RAPGEFL1: variants seen among roughly 807,000 people sequenced by gnomAD.
RAPGEFL1 encodes the protein rap guanine nucleotide exchange factor-like 1.
A neutral mutation model predicts 64.4 loss-of-function variants in RAPGEFL1; 31 were observed. The observed-to-expected ratio is 0.48, with a 90% confidence interval of 0.36 to 0.65. RAPGEFL1 has a LOEUF of 0.65. RAPGEFL1 is among the 30% of genes least tolerant of loss of function. The pLI is 0.00. For synonymous variants in RAPGEFL1, 331 were observed against 274.1 expected, an observed-to-expected ratio of 1.21 and a Z score of -2.05; for missense variants, 682 against 677.4, an observed-to-expected ratio of 1.01 and a Z score of -0.08.
At chr17:40,189,098 C>T in intron 5 of RAPGEFL1, 110 bp from the exon 6 acceptor site, 1 of 1,470,354 alleles carries the variant, frequency 6.8e-7, no homozygotes, top group East Asian at 2.3e-5. Flanking sequence ...TTTCACAGGA[C>T]CTTCTTCAGA....
In RAPGEFL1 at chr17:40,191,614, A is replaced by G; in HGVS notation, c.1547A>G (p.Tyr516Cys). 6.2e-7 allele frequency: 1 copy of G among 1,613,140 alleles called. No homozygotes were observed. Among genetic ancestry groups the G allele is most frequent in the Non-Finnish European group, 8.5e-7 (1 of 1,179,762 alleles). The change falls in exon 10 of 15, where the codon TAC becomes TGC. Residue 516 changes from tyrosine (Y) to cysteine (C), a missense_variant. Coordinates refer to ENST00000620260, the MANE Select transcript of RAPGEFL1 (RefSeq NM_016339.6). This position sits in a 1 kb window ranked among gnomAD's most constrained non-coding sequence, Gnocchi z 5.1. ...CAGAACCAGGACCTGCTGTCTTTCTACGCCGTGGTCATGGGGCTGGACAAC... is the reference window on the plus strand; with the variant it reads ...CAGAACCAGGACCTGCTGTCTTTCTGCGCCGTGGTCATGGGGCTGGACAAC... ...CKQNQDLLSF[Y>C]AVVMGLDNAA...
chr17:40,177,445 A>T, upstream of RAPGEFL1: 1 of 650,952 alleles, frequency 1.5e-6, no homozygotes, highest in South Asian at 1.7e-5. Context: ...GGACTGGAGG[A>T]GGGGGCGCGG....
chr17:40,181,817 C>T, intron 2 of RAPGEFL1, 123 bp downstream of exon 2: 1 of 623,266 alleles, frequency 1.6e-6, no homozygotes, highest in Non-Finnish European at 3.0e-6. Context: ...TGCAGTGGCT[C>T]ACACCTGTAA....
chr17:40,187,684 C>T (rs1318687813), intron 4 of RAPGEFL1, among the ~76,000 whole-genome samples: 1 of 151,078 alleles, frequency 6.6e-6, no homozygotes, highest in Admixed American at 6.6e-5. Flanking sequence ...GATCTCGGCT[C>T]ACTGCAAGCT....
At chr17:40,185,681 G>A (rs1451166891) in intron 4 of RAPGEFL1, among the ~76,000 whole-genome samples, 1 of 151,744 alleles carries the variant, frequency 6.6e-6, no homozygotes, top group Non-Finnish European at 1.5e-5. Context: ...CTACTTGGGA[G>A]GGTGAGGCAG....
At chr17:40,183,448 T>C in intron 2 of RAPGEFL1, among the ~76,000 whole-genome samples, 1 of 133,298 alleles carries the variant, frequency 7.5e-6, no homozygotes, top group East Asian at 1.9e-4. Flanking sequence ...GAAACTCCTT[T>C]CTCTCTGGCC....
chr17:40,184,771 G>A (rs1346249924), intron 4 of RAPGEFL1, 93 bp downstream of exon 4: 8 of 720,624 alleles, frequency 1.1e-5, no homozygotes, highest in Admixed American at 6.4e-5. Flanking sequence ...GCTGCAATAT[G>A]GATTTGCTTG....
At chr17:40,188,814 G>C in intron 4 of RAPGEFL1, 52 bp from the exon 5 acceptor site, 1 of 1,436,922 alleles carries the variant, frequency 7.0e-7, no homozygotes, top group African/African-American at 1.4e-5. Context: ...CTTGGTGTTG[G>C]TTGTCCATAT....
intron 4 of RAPGEFL1, among the ~76,000 whole-genome samples, chr17:40,188,249 C>T (rs1048954943): frequency 1.3e-5 from 2 of 152,058 alleles, no homozygotes; most frequent in Admixed American, 6.6e-5. Context: ...CCTCCAAGGC[C>T]CAGGTCAAAT....
In RAPGEFL1 at chr17:40,193,403, G is replaced by T; in HGVS notation, c.1850G>T (p.Arg617Leu). The T allele has an allele frequency of 6.2e-7, 1 of 1,614,174 alleles. No homozygotes were observed. Among genetic ancestry groups the T allele is most frequent in the Non-Finnish European group, 8.5e-7 (1 of 1,180,026 alleles). The change falls in exon 14 of 15, where the codon CGG becomes CTG. Residue 617 changes from arginine (R) to leucine (L), a missense_variant. This residue lies in a region of RAPGEFL1 where 411 missense variants were observed against 519.4 expected (regional missense o/e 0.79). Transcript: ENST00000620260. The part of the protein sequence containing the change: ...AEKVRTIRKY[R>L]SRPLCLDMEA... ...AAAGTGAGGACAATCCGCAAATACC[G>T]GAGCCGGCCCCTTTGTGAGTACCCA...
At position 40,191,262 on chromosome 17, in the gene RAPGEFL1, C is replaced by T; in HGVS notation, c.1336-54C>T. 1.3e-6 allele frequency: 2 copies of T among 1,482,124 alleles called. No individual in the cohort carries two copies. Among genetic ancestry groups the T allele is most frequent in the Non-Finnish European group, 1.8e-6 (2 of 1,119,930 alleles). 91.8% of individuals were successfully genotyped at this position (1,482,124 alleles called of 1,614,324 possible). A position where few individuals can be genotyped will look rare whatever the true frequency, so the allele number is the denominator to read the frequency against. On this transcript the variant is annotated intron_variant, in intron 8 of 14. Coordinates refer to ENST00000620260, the MANE Select transcript of RAPGEFL1 (RefSeq NM_016339.6). The surrounding 1 kb of genome is among the most constrained non-coding windows in gnomAD (Gnocchi z 5.1). ...TCGCCTTGCACTGCCATCTTCCCAC[C>T]CACTCCCCTCACCCCCTGGCGCCCT... is the stretch of plus-strand genomic sequence containing the variant.
intron 14 of RAPGEFL1, 79 bp from the exon 15 acceptor site, chr17:40,193,585 C>T: frequency 6.2e-7 from 1 of 1,607,226 alleles, no homozygotes; most frequent in South Asian, 1.1e-5. Flanking sequence ...CAGTCCACAG[C>T]CTGATCTTCT....
At position 40,177,856 on chromosome 17, in the gene RAPGEFL1, G is replaced by A. The variant is rs927305124; in HGVS notation, c.-6G>A. 17 of 427,978 alleles carry A rather than the reference G, an allele frequency of 4.0e-5. No homozygotes were observed. The highest frequency in any genetic ancestry group is 1.2e-4 in the South Asian group (2 of 17,318). 26.5% of individuals were successfully genotyped at this position (427,978 alleles called of 1,614,324 possible). A position where few individuals can be genotyped will look rare whatever the true frequency, so the allele number is the denominator to read the frequency against. ...GGCGACCCCTAGGAGAGGGGCGGGG[G>A]GGGGCATGAAGCCGCTGGAGAAATT... On this transcript the variant is annotated 5_prime_UTR_variant, in exon 1 of 15. Transcript: ENST00000620260.
chr17:40,178,214 G>T lies in RAPGEFL1; in HGVS notation c.353G>T (p.Gly118Val). The T allele has an allele frequency of 1.7e-6, 1 of 578,938 alleles. No homozygotes were observed. The highest frequency in any genetic ancestry group is 3.0e-5 in the Admixed American group (1 of 32,992). 35.9% of individuals were successfully genotyped at this position (578,938 alleles called of 1,614,324 possible). Reference sequence around the variant, plus strand: ...GGGCCCGGGCCTCTCGGGGGAGGGGGGCCCCTGCGCTCCCCTTCCTCCTAC... The same window carrying T: ...GGGCCCGGGCCTCTCGGGGGAGGGGTGCCCCTGCGCTCCCCTTCCTCCTAC... ...VPGPGPLGGG[G>V]PLRSPSSYSS... The change falls in exon 1 of 15, where the codon GGG (glycine) becomes GTG (valine). Residue 118 changes from glycine (G) to valine (V), a missense_variant. Transcript: ENST00000620260.
chr17:40,188,540 A>G, intron 4 of RAPGEFL1: 3 of 337,718 alleles, frequency 8.9e-6, no homozygotes, highest in South Asian at 8.1e-5. Context: ...CCCAGTCCTC[A>G]AGAGCTCTCA....
At chr17:40,192,353 C>A in intron 11 of RAPGEFL1, 90 bp downstream of exon 11, 1 of 1,445,380 alleles carries the variant, frequency 6.9e-7, no homozygotes, top group South Asian at 1.1e-5. Context: ...GCTTTCCTTT[C>A]AAGGTGTTTA....
Position 40,191,730 on chromosome 17 carries a change from T to G in RAPGEFL1, c.1605+58T>G, listed in dbSNP as rs1179296761. 6.5e-7 allele frequency: 1 copy of G among 1,534,900 alleles called. No individual in the cohort carries two copies. The highest frequency in any genetic ancestry group is 1.4e-5 in the African/African-American group (1 of 73,458). ...TCTGGGCATCCCGGGCTCCCCGAAGTGCGTCCTCCCGGGACGGCCGCCGGC... is the reference window on the plus strand; with the variant it reads ...TCTGGGCATCCCGGGCTCCCCGAAGGGCGTCCTCCCGGGACGGCCGCCGGC... On this transcript the variant is annotated intron_variant, in intron 10 of 14. Coordinates refer to ENST00000620260, the MANE Select transcript of RAPGEFL1 (RefSeq NM_016339.6). This position sits in a 1 kb window ranked among gnomAD's most constrained non-coding sequence, Gnocchi z 5.1.
intron 4 of RAPGEFL1, among the ~76,000 whole-genome samples, chr17:40,185,645 G>A (rs1439669678): frequency 1.3e-5 from 2 of 151,736 alleles, no homozygotes; most frequent in Non-Finnish European, 2.9e-5. Flanking sequence ...TTAGCTGGGC[G>A]TGGTAGGGCG....
rs1990282722 is a variant in RAPGEFL1 at position 40,191,779 on chromosome 17, T to C, written c.1605+107T>C. 1 of 1,132,316 alleles carries C rather than the reference T, an allele frequency of 8.8e-7. No individual in the cohort carries two copies. Among genetic ancestry groups the C allele is most frequent in the Non-Finnish European group, 1.3e-6 (1 of 774,554 alleles). 70.1% of individuals were successfully genotyped at this position (1,132,316 alleles called of 1,614,324 possible). A position where few individuals can be genotyped will look rare whatever the true frequency, so the allele number is the denominator to read the frequency against. On this transcript the variant is annotated intron_variant, in intron 10 of 14. Coordinates refer to ENST00000620260, the MANE Select transcript of RAPGEFL1 (RefSeq NM_016339.6). The surrounding 1 kb of genome is among the most constrained non-coding windows in gnomAD (Gnocchi z 5.1). ...GCCTGGAGGGAGTCTTTGCGCCAGT[T>C]GGAGGGAGGCGCCCTCTTCTGGCAT...
Sources: allele counts gnomAD v4.1 joint callset (sites outside exome capture counted in the v4.1 genomes callset), GRCh38; gene constraint gnomAD v4.1.1; regional missense constraint gnomAD v4.1.1; non-coding constraint Gnocchi (gnomAD v3.1); transcripts MANE v1.5; gene names NCBI Gene and HGNC (gene_info 2026-07-23, HGNC 2026-07-21).